The following FOXP1 variants were observed in gnomAD, a reference collection of about 807,000 sequenced individuals.
FOXP1 encodes the protein forkhead box protein P1.
In FOXP1, 15 loss-of-function variants were observed where a neutral mutation model predicts 98.2. That is an observed-to-expected ratio of 0.15 (90% confidence interval 0.10 to 0.24). The LOEUF (loss-of-function observed/expected upper bound fraction) is 0.24. FOXP1 is among the 10% of genes least tolerant of loss of function. The probability of loss-of-function intolerance (pLI) is 1.00; values close to 1 mark genes in which losing one functional copy is unlikely to be tolerated. For synonymous variants in FOXP1, 371 were observed against 314.5 expected, an observed-to-expected ratio of 1.18 and a Z score of -1.90; for missense variants, 633 against 848.5, an observed-to-expected ratio of 0.75 and a Z score of 3.15.
At chr3:71,057,260 C>A (rs2050777785) in intron 7 of FOXP1, among the ~76,000 whole-genome samples, 1 of 127,428 alleles carries the variant, frequency 7.8e-6, no homozygotes, top group African/African-American at 2.9e-5. Flanking sequence ...ATTTATGGGC[C>A]CCTCTTTAAA....
At chr3:71,354,049 G>A (rs1437324242) in intron 4 of FOXP1, among the ~76,000 whole-genome samples, 1 of 151,554 alleles carries the variant, frequency 6.6e-6, no homozygotes, top group Non-Finnish European at 1.5e-5. Flanking sequence ...GTTCACGCCT[G>A]TAATCCCAGC....
intron 7 of FOXP1, 150 bp from the exon 8 acceptor site, chr3:71,053,923 T>A (rs1036685813): frequency 1.1e-5 from 9 of 815,744 alleles, no homozygotes; most frequent in Admixed American, 2.0e-5. Context: ...CAGCAACAGA[T>A]CCTATTTAAT....
intron 6 of FOXP1, among the ~76,000 whole-genome samples, chr3:71,194,329 A>G (rs2063176758): frequency 6.6e-6 from 1 of 152,074 alleles, no homozygotes; most frequent in Non-Finnish European, 1.5e-5. Context: ...TGTTGTTAAG[A>G]AATAGCTGTT....
chr3:71,062,901 A>G (rs575175130), intron 7 of FOXP1, among the ~76,000 whole-genome samples: 1 of 152,310 alleles, frequency 6.6e-6, no homozygotes, highest in East Asian at 1.9e-4. Context: ...AAAATGTATT[A>G]CTATGTGCCC....
rs184993689 is a variant in FOXP1, at chr3:71,121,887, G to A, written c.181-9250C>T. The stretch of plus-strand genomic sequence containing the variant: ...CAGGTTCCCAAAGTAGAAAAACTTG[G>A]GGTCAAATGCAAGGATAAATGAATC... On this transcript the variant is annotated intron_variant, in intron 6 of 20. Coordinates refer to ENST00000649528, the MANE Select transcript of FOXP1 (RefSeq NM_001349338.3). Among the ~76,000 whole-genome samples, 308 of 152,218 alleles carry A rather than the reference G, an allele frequency of 2.0e-3. 11 individuals carry two copies. The highest frequency in any genetic ancestry group is 0.02 in the Admixed American group (300 of 15,304).
intron 4 of FOXP1, among the ~76,000 whole-genome samples, chr3:71,341,295 CA>C (rs992580967): frequency 1.6e-4 from 25 of 151,946 alleles, no homozygotes; most frequent in Non-Finnish European, 2.4e-4. Context: ...AAATCAGTAA[CA>C]AAAAAATGTG....
intron 4 of FOXP1, among the ~76,000 whole-genome samples, chr3:71,352,492 A>AC: frequency 6.6e-6 from 1 of 150,974 alleles, no homozygotes; most frequent in Non-Finnish European, 1.5e-5. Flanking sequence ...AAAAAAAAAA[A>AC]ACACAACAGG....
chr3:71,136,444 T>C (rs1349802218), intron 6 of FOXP1, among the ~76,000 whole-genome samples: 1 of 152,236 alleles, frequency 6.6e-6, no homozygotes, highest in African/African-American at 2.4e-5. Context: ...GGGCATTGTA[T>C]GATAAACTGG....
At chr3:71,193,719 G>C (rs927433184) in intron 6 of FOXP1, among the ~76,000 whole-genome samples, 1 of 152,150 alleles carries the variant, frequency 6.6e-6, no homozygotes, top group African/African-American at 2.4e-5. Context: ...TAAGTGCTGG[G>C]ATTACAGGCA....
intron 7 of FOXP1, among the ~76,000 whole-genome samples, chr3:71,067,774 G>A (rs1292398801): frequency 5.5e-5 from 2 of 36,650 alleles, no homozygotes; most frequent in Non-Finnish European, 1.7e-4. Context: ...AATTAGCCAC[G>A]TGTGATGGTG....
chr3:71,080,600 A>G (rs904799015), intron 7 of FOXP1, among the ~76,000 whole-genome samples: 1 of 152,258 alleles, frequency 6.6e-6, no homozygotes, highest in South Asian at 2.1e-4. Flanking sequence ...CCAAATAAAC[A>G]TCTTATTTCT....
intron 3 of FOXP1, among the ~76,000 whole-genome samples, chr3:71,427,523 A>G (rs2084273929): frequency 6.6e-6 from 1 of 152,258 alleles, no homozygotes; most frequent in Non-Finnish European, 1.5e-5. Flanking sequence ...CTCTTGTGAA[A>G]AAAAGGAGCT....
rs543517324 is a variant in FOXP1 at position 71,125,779 on chromosome 3, A to G, written c.181-13142T>C. Among the ~76,000 whole-genome samples, 11 of 152,350 alleles carry G rather than the reference A, an allele frequency of 7.2e-5. No homozygotes were observed. The South Asian group carries it at 2.3e-3, about 32-fold the overall frequency. On this transcript the variant is annotated intron_variant, in intron 6 of 20. Transcript: ENST00000649528. ...AGAGAATAACAGAAATTACAAAGAA[A>G]TAGAAGTTTGCTTTGAAAAACATTA...
chr3:71,564,282 C>T (rs138761480), intron 2 of FOXP1, among the ~76,000 whole-genome samples: 72 of 152,304 alleles, frequency 4.7e-4, no homozygotes, highest in African/African-American at 1.6e-3. Context: ...TCTGCCTTGG[C>T]TATTTAATGT....
intron 20 of FOXP1, among the ~76,000 whole-genome samples, chr3:70,960,643 G>A (rs1014146196): frequency 3.3e-5 from 5 of 152,032 alleles, no homozygotes; most frequent in African/African-American, 1.2e-4. Context: ...AGTAATAAGA[G>A]GTGGTAATGG....
At chr3:71,326,598 G>T (rs1286875426) in intron 4 of FOXP1, among the ~76,000 whole-genome samples, 1 of 152,184 alleles carries the variant, frequency 6.6e-6, no homozygotes, top group African/African-American at 2.4e-5. Context: ...TTGGAGCTAG[G>T]TACTTTGGCA....
chr3:71,333,898 A>G (rs1035065704), intron 4 of FOXP1: 5 of 152,180 alleles, frequency 3.3e-5, no homozygotes, highest in Admixed American at 1.3e-4. Context: ...GAAATGGGGG[A>G]AGAAAGAATA....
At chr3:71,319,718 T>G (rs2075285553) in intron 4 of FOXP1, among the ~76,000 whole-genome samples, 2 of 152,144 alleles carry the variant, frequency 1.3e-5, no homozygotes, top group Admixed American at 1.3e-4. Context: ...ATAGGCTGCA[T>G]TTGGCAGAGT....
In FOXP1 at chr3:70,990,188, T is replaced by C. The variant is rs146924060; in HGVS notation, c.1063-2111A>G. Among the ~76,000 whole-genome samples, 23 of 152,348 alleles carry C rather than the reference T, an allele frequency of 1.5e-4. 1 individual carries two copies. The highest frequency in any genetic ancestry group is 8.5e-4 in the Admixed American group (13 of 15,304). On this transcript the variant is annotated intron_variant, in intron 13 of 20. Transcript: ENST00000649528. The stretch of plus-strand genomic sequence containing the variant: ...AGGCAAAAATCTAACTTTTTGGTTT[T>C]GTTTGGTTAGTGAAAACTAATGTGT...
Sources: gnomAD v4.1 joint callset for allele counts (sites outside exome capture counted in the v4.1 genomes callset) on GRCh38, gnomAD v4.1.1 for gene constraint, MANE v1.5 for transcripts, NCBI Gene and HGNC (gene_info 2026-07-23, HGNC 2026-07-21) for gene names.